The following SH3KBP1 variants were observed in gnomAD, a reference collection of about 807,000 sequenced individuals.
SH3KBP1 encodes the protein SH3 domain-containing kinase-binding protein 1.
In SH3KBP1, 8 loss-of-function variants were observed where a neutral mutation model predicts 50.1. The observed-to-expected ratio is 0.16, with a 90% CI of 0.09 to 0.29. The LOEUF (loss-of-function observed/expected upper bound fraction) is 0.29, where lower values mean the gene tolerates loss of function less well. SH3KBP1 is among the 10% of genes least tolerant of loss of function. The probability of loss-of-function intolerance (pLI) is 1.00; values close to 1 mark genes in which losing one functional copy is unlikely to be tolerated. For missense variants in SH3KBP1, 377 were observed against 535.2 expected (o/e 0.70, Z 2.92); for synonymous variants, 227 against 218.6 (o/e 1.04, Z -0.34).
chrX:19,731,144 G>A (rs1454557974), intron 3 of SH3KBP1, among the ~76,000 whole-genome samples: 1 of 111,342 alleles, frequency 9.0e-6, no homozygotes, highest in Non-Finnish European at 1.9e-5. Context: ...TCACCATGTT[G>A]CCCAGGCTGA....
chrX:19,652,271 C>G (rs751949426), intron 6 of SH3KBP1, among the ~76,000 whole-genome samples: 1 of 111,370 alleles, frequency 9.0e-6, no homozygotes, highest in Non-Finnish European at 1.9e-5. Flanking sequence ...CCCACCTCAA[C>G]CCCCAACACA....
At chrX:19,601,741 C>A (rs2067096812) in intron 9 of SH3KBP1, 1 of 111,339 alleles carries the variant, frequency 9.0e-6, no homozygotes, top group Admixed American at 9.6e-5. Context: ...GCCCTTTTCT[C>A]CCCTGCCCCT....
At chrX:19,854,056 C>T (rs2068583818) in intron 1 of SH3KBP1, among the ~76,000 whole-genome samples, 1 of 111,488 alleles carries the variant, frequency 9.0e-6, no homozygotes, top group South Asian at 3.8e-4. Context: ...ATACAAGTCT[C>T]CTGGTATTAG....
chrX:19,628,675 A>T (rs1200492985), intron 8 of SH3KBP1, among the ~76,000 whole-genome samples: 3 of 112,075 alleles, frequency 2.7e-5, no homozygotes, highest in Non-Finnish European at 5.6e-5. Context: ...TAAAAAAATA[A>T]TAAAAGCAAA....
chrX:19,564,619 TTGA>T (rs1276863180), intron 13 of SH3KBP1, among the ~76,000 whole-genome samples: 1 of 108,712 alleles, frequency 9.2e-6, no homozygotes, highest in African/African-American at 3.3e-5. Flanking sequence ...ATGTCCTTGG[TTGA>T]TGTTTAATTA....
chrX:19,636,719 TA>T (rs1028479758), intron 7 of SH3KBP1, among the ~76,000 whole-genome samples: 2 of 109,788 alleles, frequency 1.8e-5, no homozygotes, highest in Admixed American at 9.7e-5. Flanking sequence ...CCTCTCAGCT[TA>T]AAAAAAAATA....
chrX:19,561,073 A>T (rs5909316), intron 13 of SH3KBP1, among the ~76,000 whole-genome samples: 1 of 78,584 alleles, frequency 1.3e-5, no homozygotes, highest in Non-Finnish European at 2.3e-5. Context: ...GACCCTGTCT[A>T]AAAAAAAAAA....
chrX:19,813,753 C>CG (rs953916672), intron 2 of SH3KBP1, among the ~76,000 whole-genome samples: 2 of 110,860 alleles, frequency 1.8e-5, no homozygotes, highest in Non-Finnish European at 3.8e-5. Flanking sequence ...TGTTATCCCC[C>CG]CAGCCCCCAA....
At chrX:19,849,898 T>G (rs987798262) in intron 1 of SH3KBP1, among the ~76,000 whole-genome samples, 1 of 111,615 alleles carries the variant, frequency 9.0e-6, no homozygotes, top group Non-Finnish European at 1.9e-5. Flanking sequence ...GTCCTTATCT[T>G]TACAAAATAT....
chrX:19,650,461 C>T (rs182768226), intron 6 of SH3KBP1, among the ~76,000 whole-genome samples: 1 of 111,737 alleles, frequency 8.9e-6, no homozygotes, highest in East Asian at 2.8e-4. Context: ...CTCATGAGAA[C>T]TCACTCACTA....
At chrX:19,733,423 T>TG (rs2064438221) in intron 3 of SH3KBP1, among the ~76,000 whole-genome samples, 1 of 110,265 alleles carries the variant, frequency 9.1e-6, no homozygotes, top group Non-Finnish European at 1.9e-5. Flanking sequence ...TATATAATAA[T>TG]ATTATATGAT....
intron 1 of SH3KBP1, among the ~76,000 whole-genome samples, chrX:19,870,212 C>A (rs2069002660): frequency 8.9e-6 from 1 of 112,532 alleles, no homozygotes; most frequent in Non-Finnish European, 1.9e-5. Context: ...AAAATTATTT[C>A]TTAAAAAAGA....
intron 1 of SH3KBP1, among the ~76,000 whole-genome samples, chrX:19,850,935 G>T (rs1356840548): frequency 1.8e-5 from 2 of 110,247 alleles, no homozygotes; most frequent in East Asian, 5.7e-4. Context: ...TTTGGGAAGC[G>T]CTGGCCCATC....
intron 8 of SH3KBP1, among the ~76,000 whole-genome samples, chrX:19,608,307 T>TTTA (rs2067302487): frequency 1.5e-5 from 1 of 65,034 alleles, no homozygotes; most frequent in Non-Finnish European, 2.6e-5. Flanking sequence ...TCTTTCTTTC[T>TTTA]TTTTTTTTTT....
chrX:19,678,920 T>C (rs762182262), intron 6 of SH3KBP1, among the ~76,000 whole-genome samples: 1 of 111,877 alleles, frequency 8.9e-6, no homozygotes, highest in Non-Finnish European at 1.9e-5. Flanking sequence ...CTCACAAGAC[T>C]CTTCATGATC....
chrX:19,777,357 C>T (rs1417276836), intron 2 of SH3KBP1, among the ~76,000 whole-genome samples: 1 of 110,420 alleles, frequency 9.1e-6, no homozygotes, highest in East Asian at 2.8e-4. Flanking sequence ...ACAGAAAGGG[C>T]CAGGGCTGAA....
At chrX:19,620,517 G>A (rs1459821171) in intron 8 of SH3KBP1, among the ~76,000 whole-genome samples, 1 of 112,287 alleles carries the variant, frequency 8.9e-6, no homozygotes, top group Non-Finnish European at 1.9e-5. Flanking sequence ...CCTGTGCAGC[G>A]AGTAAAAAAT....
At chrX:19,667,175 T>C (rs1040386006) in intron 6 of SH3KBP1, among the ~76,000 whole-genome samples, 32 of 112,005 alleles carry the variant, frequency 2.9e-4, no homozygotes, top group Non-Finnish European at 5.3e-4. Flanking sequence ...AGTAGAACAG[T>C]AGCTGCCGGG....
intron 1 of SH3KBP1, among the ~76,000 whole-genome samples, chrX:19,878,472 TTGTGTGTGTGTGTG>T (rs56786885): frequency 1.4e-5 from 1 of 73,052 alleles, no homozygotes; most frequent in Non-Finnish European, 2.4e-5. Flanking sequence ...CCTGGCTAAT[TTGTGTGTGTGTGTG>T]TGTGTGTGTG....
Sources: allele counts gnomAD v4.1 joint callset (sites outside exome capture counted in the v4.1 genomes callset), GRCh38; gene constraint gnomAD v4.1.1; transcripts MANE v1.5; gene names NCBI Gene and HGNC (gene_info 2026-07-23, HGNC 2026-07-21).